KIF14: variants seen among roughly 807,000 people sequenced by gnomAD.
KIF14 encodes kinesin family member 14.
Under a neutral mutation model 176.2 loss-of-function variants are expected in KIF14, and 98 were observed. The ratio of observed to expected loss-of-function variants is 0.56; its 90% confidence interval spans 0.47 to 0.66. The LOEUF (loss-of-function observed/expected upper bound fraction) is 0.66. Ranked by LOEUF, KIF14 falls within the 30% of genes least tolerant of loss-of-function variation. The pLI, the probability that KIF14 is intolerant of heterozygous loss-of-function variation, is 0.00. For missense variants in KIF14, 1,751 were observed against 1,920.4 expected, an observed-to-expected ratio of 0.91 and a Z score of 1.65; for synonymous variants, 566 against 632.2, an observed-to-expected ratio of 0.90 and a Z score of 1.57.
chr1:200,592,267 T>C, intron 15 of KIF14, 27 bp from the exon 16 acceptor site: 1 of 1,584,826 alleles, frequency 6.3e-7, no homozygotes, highest in South Asian at 1.2e-5. Flanking sequence ...AATGTACTAC[T>C]TGAGGTGAGT....
rs1660632308 is a variant in KIF14 at position 200,620,534 on chromosome 1, C to CGCTGCCTTG, written c.-240_-239insCAAGGCAGC. ...CGCCCTTCGTTCGGGGACCCCTTCG[C>CGCTGCCTTG]CGCCGACCTGGAATGCTGAGGAACT... is the stretch of plus-strand genomic sequence containing the variant. On this transcript the variant is annotated 5_prime_UTR_variant, in exon 1 of 30. Coordinates refer to ENST00000367350, the MANE Select transcript of KIF14 (RefSeq NM_014875.3). 6.7e-6 allele frequency: 1 copy of CGCTGCCTTG among 149,590 alleles called. No homozygotes were observed. The highest frequency in any genetic ancestry group is 2.6e-5 in the African/African-American group (1 of 38,902). The allele number at this position is 149,590 out of a possible 1,614,324, so 9.3% of individuals were successfully genotyped here. A position where few individuals can be genotyped will look rare whatever the true frequency, so the allele number is the denominator to read the frequency against.
At chr1:200,608,030 A>G (rs1558087939) in intron 5 of KIF14, among the ~76,000 whole-genome samples, 2 of 152,144 alleles carry the variant, frequency 1.3e-5, no homozygotes, top group Non-Finnish European at 1.5e-5. Flanking sequence ...ATTGTGCTCC[A>G]AGGTCCATTG....
rs758896233 is a variant in KIF14, at chr1:200,602,075, GA to G, written c.1980-8del. ...CAGACTTTCTTTTAACAGCCTACAA[GA>G]AAAAAAGTCATAAGACTTTGCTTCT... is the stretch of plus-strand genomic sequence containing the variant. On this transcript the variant is annotated splice_polypyrimidine_tract_variant and splice_region_variant and intron_variant, in intron 10 of 29. Coordinates refer to ENST00000367350, the MANE Select transcript of KIF14 (RefSeq NM_014875.3). 3.1e-6 allele frequency: 5 copies of G among 1,602,904 alleles called. No homozygotes were observed. Among genetic ancestry groups the G allele is most frequent in the Admixed American group, 1.7e-5 (1 of 57,534 alleles).
chr1:200,595,846 C>T (rs888507737), intron 14 of KIF14, among the ~76,000 whole-genome samples: 1 of 148,030 alleles, frequency 6.8e-6, no homozygotes, highest in Non-Finnish European at 1.5e-5. Flanking sequence ...GCACGAGAAT[C>T]GCTTGAACCC....
intron 27 of KIF14, among the ~76,000 whole-genome samples, chr1:200,556,906 T>G (rs889884950): frequency 9.2e-5 from 14 of 152,240 alleles, no homozygotes; most frequent in African/African-American, 3.4e-4. Context: ...ACTATGGAAC[T>G]GAAATCAGCC....
chr1:200,577,952 T>C (rs927199029), intron 21 of KIF14, among the ~76,000 whole-genome samples: 3 of 151,794 alleles, frequency 2.0e-5, no homozygotes, highest in Non-Finnish European at 2.9e-5. Context: ...TCCTACACTT[T>C]GTTGTTTTTT....
chr1:200,576,478 A>T (rs57196792), intron 21 of KIF14, among the ~76,000 whole-genome samples: 1 of 88,952 alleles, frequency 1.1e-5, no homozygotes, highest in Non-Finnish European at 2.4e-5. Context: ...ACTCCGTCTC[A>T]AAAAAAAAAA....
rs750062866 is a variant in KIF14 at position 200,603,823 on chromosome 1, A to G, written c.1863+16T>C. On this transcript the variant is annotated intron_variant, in intron 9 of 29. Transcript: ENST00000367350. ...GGAATAAATTTCATCAAAAGGAGAA[A>G]AAGCATTCCATTTACCTTTAGTCGA... The G allele has an allele frequency of 1.4e-6, 2 of 1,477,862 alleles. No individual in the cohort carries two copies. Among genetic ancestry groups the G allele is most frequent in the Non-Finnish European group, 1.9e-6 (2 of 1,057,266 alleles). The allele number at this position is 1,477,862 out of a possible 1,614,324, so 91.5% of individuals were successfully genotyped here.
chr1:200,581,693 A>T (rs1658463342), intron 19 of KIF14, among the ~76,000 whole-genome samples: 1 of 151,854 alleles, frequency 6.6e-6, no homozygotes, highest in Non-Finnish European at 1.5e-5. Context: ...AATTTTAAAA[A>T]ATGTATATAT....
At position 200,586,183 on chromosome 1, in the gene KIF14, A is replaced by T. The variant is rs759303849; in HGVS notation, c.3159T>A (p.Ala1053=). ...HSIRHARILE[A]LETEKQKIAK... The stretch of plus-strand genomic sequence containing the variant: ...CAATTTTTTGCTTTTCAGTTTCTAA[A>T]GCTTCCAGAATTCTTGCATGGCGGA... The change falls in exon 19 of 30, where the codon GCT becomes GCA. Residue 1053 remains alanine (A), a synonymous_variant. Coordinates refer to ENST00000367350, the MANE Select transcript of KIF14 (RefSeq NM_014875.3). 5.6e-6 allele frequency: 9 copies of T among 1,602,482 alleles called. No individual in the cohort carries two copies. Among genetic ancestry groups the T allele is most frequent in the Non-Finnish European group, 7.7e-6 (9 of 1,172,488 alleles).
intron 29 of KIF14, 28 bp from the exon 30 acceptor site, chr1:200,553,795 A>T: frequency 6.5e-7 from 1 of 1,544,714 alleles, no homozygotes; most frequent in Non-Finnish European, 8.7e-7. Flanking sequence ...GGGAAAAGTT[A>T]ATTAGCCTTT....
chr1:200,563,059 G>C (rs1571462061), intron 25 of KIF14, among the ~76,000 whole-genome samples: 1 of 152,208 alleles, frequency 6.6e-6, no homozygotes, highest in South Asian at 2.1e-4. Flanking sequence ...GCCTAACCAA[G>C]TCTTGGGGAG....
At chr1:200,605,234 A>C in intron 8 of KIF14, 49 bp downstream of exon 8, 1 of 1,510,980 alleles carries the variant, frequency 6.6e-7, no homozygotes, top group Non-Finnish European at 9.1e-7. Flanking sequence ...GGTCTGGGTT[A>C]TCACCAGGGT....
chr1:200,570,585 T>C (rs912420831), intron 22 of KIF14, among the ~76,000 whole-genome samples: 10 of 152,038 alleles, frequency 6.6e-5, no homozygotes, highest in African/African-American at 2.2e-4. Context: ...CTGTGGCCTA[T>C]GATGTAAGAG....
At chr1:200,565,357 A>T in intron 24 of KIF14, 88 bp downstream of exon 24, 2 of 1,401,162 alleles carry the variant, frequency 1.4e-6, no homozygotes, top group Non-Finnish European at 1.9e-6. Context: ...GATGCATGCC[A>T]GATGTGCCAA....
At chr1:200,555,323 ACC>A in intron 28 of KIF14, 55 bp downstream of exon 28, 1 of 1,092,680 alleles carries the variant, frequency 9.2e-7, no homozygotes. Flanking sequence ...CTACATTTGA[ACC>A]AAGTGAAATG....
chr1:200,599,886 T>C (rs1659538990), intron 13 of KIF14, among the ~76,000 whole-genome samples, 164 bp downstream of exon 13: 1 of 152,258 alleles, frequency 6.6e-6, no homozygotes, highest in South Asian at 2.1e-4. Context: ...GTCTTGATCT[T>C]AACATTTCTT....
rs1165673089 is a variant in KIF14 at position 200,590,258 on chromosome 1, A to G, written c.2828T>C (p.Ile943Thr). The change falls in exon 17 of 30, where the codon ATA becomes ACA. Residue 943 changes from isoleucine to threonine, a missense_variant. Ile to Thr is a moderately conservative substitution (Grantham distance 89). Transcript: ENST00000367350. ...CTTTGCCTTCAACTGAGCCTCTTTT[A>G]TTTCTGCTTCAAGTCTACAATGTAG... is the stretch of plus-strand genomic sequence containing the variant. ...MAQRSQLEAE[I>T]KEAQLKAKEE... The G allele has an allele frequency of 3.1e-6, 5 of 1,612,822 alleles. No homozygotes were observed. The highest frequency in any genetic ancestry group is 4.2e-6 in the Non-Finnish European group (5 of 1,179,760).
At chr1:200,598,637 C>A (rs1659483070) in intron 13 of KIF14, among the ~76,000 whole-genome samples, 1 of 152,178 alleles carries the variant, frequency 6.6e-6, no homozygotes, top group Admixed American at 6.5e-5. Context: ...CGGCTCACTG[C>A]AACCTCTGCC....
Sources: gnomAD v4.1 joint callset for allele counts (sites outside exome capture counted in the v4.1 genomes callset) on GRCh38, gnomAD v4.1.1 for gene constraint, MANE v1.5 for transcripts, NCBI Gene and HGNC (gene_info 2026-07-23, HGNC 2026-07-21) for gene names.